Variants in DDX43 observed in about 807,000 individuals in gnomAD.
The protein encoded by DDX43 is DEAD-box helicase 43.
DDX43 carries 50 observed loss-of-function variants against 84.9 expected under a neutral mutation model. That is an observed-to-expected ratio of 0.59 (90% CI 0.47 to 0.75). The LOEUF is 0.75. DDX43 is among the 30% of genes least tolerant of loss of function. The probability of loss-of-function intolerance (pLI) is 0.00; values close to 1 mark genes in which losing one functional copy is unlikely to be tolerated. For missense variants in DDX43, 689 were observed against 798.6 expected (o/e 0.86, Z 1.65); for synonymous variants, 291 against 266.3 (o/e 1.09, Z -0.90).
chr6:73,411,297 T>C (rs1249354306), intron 10 of DDX43, among the ~76,000 whole-genome samples: 1 of 151,544 alleles, frequency 6.6e-6, no homozygotes, highest in East Asian at 1.9e-4. Context: ...ATTAACCTAA[T>C]AGTAATCCCT....
chr6:73,394,974 G>C lies in DDX43; in HGVS notation c.69G>C (p.Val23=). 1.2e-6 allele frequency: 2 copies of C among 1,614,274 alleles called. No homozygotes were observed. The highest frequency in any genetic ancestry group is 1.7e-6 in the Non-Finnish European group (2 of 1,180,046). The change falls in exon 1 of 17, where the codon GTG becomes GTC. Residue 23 remains valine, a synonymous_variant. Transcript: ENST00000370336. The part of the protein sequence containing the change: ...WVVASRRSST[V]SRAPERRPAE... ...TTGCTAGTCGGCGAAGCTCGACAGT[G>C]TCCCGAGCGCCAGAGAGGAGGCCGG...
At chr6:73,401,332 C>T (rs78490735) in intron 3 of DDX43, among the ~76,000 whole-genome samples, 1,635 of 152,246 alleles carry the variant, frequency 0.011, 35 homozygotes, top group African/African-American at 0.038. Flanking sequence ...ATTCTAACGA[C>T]TGAGTAATGG....
chr6:73,407,988 G>A lies in DDX43; in HGVS notation c.1066G>A (p.Asp356Asn). The change falls in exon 9 of 17, where the codon GAT (aspartate) becomes AAT (asparagine). Residue 356 changes from aspartate (D) to asparagine (N), a missense_variant. Physicochemically the swap from Asp to Asn is conservative, Grantham distance 23. Transcript: ENST00000370336. ...TTGTGTATATGGTGGTGGAAATAGA[G>A]ATGAACAAATAGAAGAGCTTAAAAA... ...SVCVYGGGNR[D>N]EQIEELKKGV... The A allele has an allele frequency of 6.2e-7, 1 of 1,613,632 alleles. No individual in the cohort carries two copies.
chr6:73,416,482 C>G (rs1046801948), intron 16 of DDX43, among the ~76,000 whole-genome samples: 1 of 152,024 alleles, frequency 6.6e-6, no homozygotes, highest in African/African-American at 2.4e-5. Flanking sequence ...GGTATACAAC[C>G]CAAGCATCCA....
chr6:73,407,335 T>C (rs1014146621), intron 7 of DDX43, among the ~76,000 whole-genome samples, 170 bp from the exon 8 acceptor site: 3 of 152,094 alleles, frequency 2.0e-5, no homozygotes, highest in Non-Finnish European at 4.4e-5. Flanking sequence ...GCTAGGCTGG[T>C]CTCAAACTCC....
At position 73,395,100 on chromosome 6, in the gene DDX43, C is replaced by T. The variant is rs771247642; in HGVS notation, c.195C>T (p.His65=). The T allele has an allele frequency of 5.6e-6, 9 of 1,614,122 alleles. No homozygotes were observed. In the Admixed American group the frequency reaches 6.7e-5, roughly 12 times the overall value. The change falls in exon 1 of 17, where the codon CAC becomes CAT. Residue 65 remains histidine, a synonymous_variant. Coordinates refer to ENST00000370336, the MANE Select transcript of DDX43 (RefSeq NM_018665.3). ...SRPPEAVAAG[H]EELPLCFALK... ...CCCCGGAGGCCGTGGCCGCTGGTCA[C>T]GAGGAACTGCCGCTGTGTTTTGCTT...
rs777533251 is a variant in DDX43, at chr6:73,401,938, T to C, written c.516T>C (p.Asp172=). ...TTGCAGGAGATCGGCCATTGATAGA[T>C]TGGGATCAAATTAGAGAGGAAGGTT... ...NVVAGDRPLI[D]WDQIREEGLK... is the part of the protein sequence containing the mutation. Residue 172 remains aspartate, a synonymous_variant, in exon 4 of 17, where the codon GAT becomes GAC. Coordinates refer to ENST00000370336, the MANE Select transcript of DDX43 (RefSeq NM_018665.3). The C allele has an allele frequency of 1.9e-6, 3 of 1,614,096 alleles. No homozygotes were observed. The highest frequency in any genetic ancestry group is 4.5e-5 in the East Asian group (2 of 44,876).
In DDX43 at chr6:73,404,718, T is replaced by C; in HGVS notation, c.597T>C (p.Tyr199=). The C allele has an allele frequency of 6.2e-7, 1 of 1,612,382 alleles. No homozygotes were observed. The highest frequency in any genetic ancestry group is 1.1e-5 in the South Asian group (1 of 90,416). Residue 199 remains tyrosine (Y), a synonymous_variant, in exon 5 of 17, where the codon TAT becomes TAC. Transcript: ENST00000370336. Reference sequence around the variant, plus strand: ...TACCACCAATTAAGAAAAACTTTTATAAAGAGTCCACTGCCACAAGTGCCA... The same window carrying C: ...TACCACCAATTAAGAAAAACTTTTACAAAGAGTCCACTGCCACAAGTGCCA... The part of the protein sequence containing the change: ...ADLPPIKKNF[Y]KESTATSAMS...
intron 6 of DDX43, among the ~76,000 whole-genome samples, chr6:73,406,140 C>G (rs941248096): frequency 6.6e-6 from 1 of 151,976 alleles, no homozygotes; most frequent in South Asian, 2.1e-4. Context: ...TCTCCTGCCT[C>G]AGCCTCCCTT....
At chr6:73,402,648 T>C (rs1769598996) in intron 4 of DDX43, among the ~76,000 whole-genome samples, 1 of 152,152 alleles carries the variant, frequency 6.6e-6, no homozygotes, top group Admixed American at 6.5e-5. Context: ...GGCGTGATCT[T>C]GGCTCACCAC....
At position 73,413,685 on chromosome 6, in the gene DDX43, A is replaced by G. The variant is rs1313348941; in HGVS notation, c.1396A>G (p.Ile466Val). 1 of 1,613,664 alleles carries G rather than the reference A, an allele frequency of 6.2e-7. No homozygotes were observed. The highest frequency in any genetic ancestry group is 8.5e-7 in the Non-Finnish European group (1 of 1,179,876). ...VAVSSVKQNI[I>V]VTTEEEKWSH... is the part of the protein sequence containing the mutation. The stretch of plus-strand genomic sequence containing the variant: ...TGTAAGTTCAGTGAAGCAAAATATA[A>G]TTGTAACCACCGAGGAAGAGAAATG... Residue 466 changes from isoleucine (I) to valine (V), a missense_variant, in exon 12 of 17, where the codon ATT becomes GTT. Transcript: ENST00000370336.
chr6:73,397,768 C>G (rs745527102), intron 2 of DDX43, 24 bp downstream of exon 2: 1 of 1,603,728 alleles, frequency 6.2e-7, no homozygotes, highest in Non-Finnish European at 8.5e-7. Flanking sequence ...GTTTTTCGGC[C>G]CTTAAGAGAG....
In DDX43 at chr6:73,400,506, A is replaced by C. The variant is rs191359925; in HGVS notation, c.436+143A>C. The C allele has an allele frequency of 2.0e-5, 14 of 697,974 alleles. No homozygotes were observed. In the Admixed American group the frequency reaches 4.1e-4, roughly 21 times the overall value. The allele number at this position is 697,974 out of a possible 1,614,324, so 43.2% of individuals were successfully genotyped here. A position where few individuals can be genotyped will look rare whatever the true frequency, so the allele number is the denominator to read the frequency against. On this transcript the variant is annotated intron_variant, in intron 3 of 16. Coordinates refer to ENST00000370336, the MANE Select transcript of DDX43 (RefSeq NM_018665.3). Reference sequence around the variant, plus strand: ...CTTAATGATTTTTTACTATGAATGAAAGCCCAGAATATTTTTCCTCAAATT... The same window carrying C: ...CTTAATGATTTTTTACTATGAATGACAGCCCAGAATATTTTTCCTCAAATT...
chr6:73,407,470 A>G, intron 7 of DDX43, 35 bp from the exon 8 acceptor site: 1 of 1,389,312 alleles, frequency 7.2e-7, no homozygotes, highest in Non-Finnish European at 1.0e-6. Context: ...CATCTGAGAC[A>G]AGTAATTTAA....
chr6:73,406,413 C>T lies in DDX43; in HGVS notation c.857C>T (p.Ala286Val). The change falls in exon 7 of 17, where the codon GCC becomes GTC. Residue 286 changes from alanine to valine, a missense_variant. Transcript: ENST00000370336. Reference sequence around the variant, plus strand: ...CAAGGAATAGATCTTATAGGAGTAGCCCAGACTGGAACAGGAAAGACATTG... The same window carrying T: ...CAAGGAATAGATCTTATAGGAGTAGTCCAGACTGGAACAGGAAAGACATTG... ...VLQGIDLIGVAQTGTGKTLCY... is the reference protein window; with the variant it reads ...VLQGIDLIGVVQTGTGKTLCY... 6.2e-7 allele frequency: 1 copy of T among 1,613,590 alleles called. No individual in the cohort carries two copies.
intron 1 of DDX43, 88 bp downstream of exon 1, chr6:73,395,243 C>T (rs1215767985): frequency 2.4e-5 from 34 of 1,442,760 alleles, no homozygotes; most frequent in Middle Eastern, 2.4e-4. Flanking sequence ...TGCCTCACCT[C>T]CAATCAGCTG....
At chr6:73,416,762 C>A (rs1769911976) in intron 16 of DDX43, among the ~76,000 whole-genome samples, 1 of 152,192 alleles carries the variant, frequency 6.6e-6, no homozygotes, top group Non-Finnish European at 1.5e-5. Flanking sequence ...GGAGGCCATA[C>A]ACAGTGGCTC....
At chr6:73,400,099 G>C in intron 2 of DDX43, 135 bp from the exon 3 acceptor site, 1 of 616,908 alleles carries the variant, frequency 1.6e-6, no homozygotes, top group Non-Finnish European at 2.6e-6. Flanking sequence ...ATTGATTGGT[G>C]GTAATACTGT....
intron 15 of DDX43, among the ~76,000 whole-genome samples, 166 bp from the exon 16 acceptor site, chr6:73,415,947 C>G (rs1470674830): frequency 6.6e-6 from 1 of 152,094 alleles, no homozygotes; most frequent in Non-Finnish European, 1.5e-5. Context: ...GCTGAAGCAG[C>G]AAATTTTATA....
Sources: allele counts gnomAD v4.1 joint callset (sites outside exome capture counted in the v4.1 genomes callset), GRCh38; gene constraint gnomAD v4.1.1; transcripts MANE v1.5; gene names NCBI Gene and HGNC (gene_info 2026-07-23, HGNC 2026-07-21).